SLC13A5: variants seen among roughly 807,000 people sequenced by gnomAD.
SLC13A5 encodes the protein Na(+)/citrate cotransporter.
In SLC13A5, 25 loss-of-function variants were observed where a neutral mutation model predicts 56.5. The ratio of observed to expected loss-of-function variants is 0.44; its 90% CI spans 0.32 to 0.62. SLC13A5 has a LOEUF of 0.62. Ranked by LOEUF, SLC13A5 falls within the 20% of genes least tolerant of loss-of-function variation. The probability of loss-of-function intolerance (pLI) is 0.04; values close to 1 mark genes in which losing one functional copy is unlikely to be tolerated. For missense variants in SLC13A5, 649 were observed against 737.8 expected (o/e 0.88, Z 1.39); for synonymous variants, 307 against 301.5 (o/e 1.02, Z -0.19).
rs1465359122 is a variant in SLC13A5 at position 6,701,217 on chromosome 17, G to C, written c.717-91C>G. 6.5e-7 allele frequency: 1 copy of C among 1,548,956 alleles called. No individual in the cohort carries two copies. Among genetic ancestry groups the C allele is most frequent in the East Asian group, 2.4e-5 (1 of 42,322 alleles). ...GGGGACGGAGCAGCAGCTGGGCCCT[G>C]AGAGGCGCGCCTGTGTGGAGGCCAC... On this transcript the variant is annotated intron_variant, in intron 5 of 11. Transcript: ENST00000433363. This position sits in a 1 kb window ranked among gnomAD's most constrained non-coding sequence, Gnocchi z 4.1.
intron 1 of SLC13A5, among the ~76,000 whole-genome samples, chr17:6,708,702 T>A (rs906438390): frequency 6.6e-6 from 1 of 152,188 alleles, no homozygotes; most frequent in Admixed American, 6.5e-5. Flanking sequence ...CAGGTCAGGG[T>A]CTTGGGTGAC....
At chr17:6,691,762 C>G (rs561396225) in intron 9 of SLC13A5, among the ~76,000 whole-genome samples, 1 of 152,290 alleles carries the variant, frequency 6.6e-6, no homozygotes, top group Non-Finnish European at 1.5e-5. Context: ...AGCCCAGGCC[C>G]CCACTCCAGA....
At chr17:6,700,749 T>C (rs1973690012) in intron 6 of SLC13A5, among the ~76,000 whole-genome samples, 1 of 152,110 alleles carries the variant, frequency 6.6e-6, no homozygotes, top group Non-Finnish European at 1.5e-5. Flanking sequence ...AAGCAGCATT[T>C]GAACTAGCCT....
intron 8 of SLC13A5, among the ~76,000 whole-genome samples, 196 bp downstream of exon 8, chr17:6,693,901 G>C (rs1973484738): frequency 1.3e-5 from 2 of 152,192 alleles, no homozygotes; most frequent in African/African-American, 4.8e-5. Flanking sequence ...AAATTCAAAT[G>C]TTAAAAAGCA....
intron 1 of SLC13A5, among the ~76,000 whole-genome samples, chr17:6,708,670 A>T (rs1973934726): frequency 6.6e-6 from 1 of 152,232 alleles, no homozygotes; most frequent in Non-Finnish European, 1.5e-5. Context: ...AACAAGTTAG[A>T]TAATTATTTA....
rs538870191 is a variant in SLC13A5, at chr17:6,685,843, C to T, written c.*364G>A. The T allele has an allele frequency of 9.3e-5, 25 of 269,082 alleles. No individual in the cohort carries two copies. Among genetic ancestry groups the T allele is most frequent in the South Asian group, 2.6e-4 (5 of 19,542 alleles). The allele number at this position is 269,082 out of a possible 1,614,324, so 16.7% of individuals were successfully genotyped here. On this transcript the variant is annotated 3_prime_UTR_variant, in exon 12 of 12. Coordinates refer to ENST00000433363, the MANE Select transcript of SLC13A5 (RefSeq NM_177550.5). The surrounding 1 kb of genome is among the most constrained non-coding windows in gnomAD (Gnocchi z 4.2). ...CGATTCCCATTTAAACTATCTAGGACGAAGCGAGTGAAAACCAGAGCCCTG... is the reference window on the plus strand; with the variant it reads ...CGATTCCCATTTAAACTATCTAGGATGAAGCGAGTGAAAACCAGAGCCCTG...
Position 6,713,152 on chromosome 17 carries a change from C to T in SLC13A5, c.102+80G>A. The T allele has an allele frequency of 6.9e-7, 1 of 1,442,854 alleles. No individual in the cohort carries two copies. Among genetic ancestry groups the T allele is most frequent in the Non-Finnish European group, 9.6e-7 (1 of 1,044,902 alleles). The allele number at this position is 1,442,854 out of a possible 1,614,324, so 89.4% of individuals were successfully genotyped here. A position where few individuals can be genotyped will look rare whatever the true frequency, so the allele number is the denominator to read the frequency against. ...TCCCCGCGAAATCCGTGCGCTCCAG[C>T]TCAGGGCTCCCGGGATCGGTGCCCG... is the stretch of plus-strand genomic sequence containing the variant. On this transcript the variant is annotated intron_variant, in intron 1 of 11. Transcript: ENST00000433363. The surrounding 1 kb of genome is among the most constrained non-coding windows in gnomAD (Gnocchi z 7.3).
rs1246383697 is a variant in SLC13A5, at chr17:6,701,327, A to G, written c.717-201T>C. Among the ~76,000 whole-genome samples, 1 of 152,256 alleles carries G rather than the reference A, an allele frequency of 6.6e-6. No homozygotes were observed. Among genetic ancestry groups the G allele is most frequent in the African/African-American group, 2.4e-5 (1 of 41,472 alleles). On this transcript the variant is annotated intron_variant, in intron 5 of 11. Coordinates refer to ENST00000433363, the MANE Select transcript of SLC13A5 (RefSeq NM_177550.5). The surrounding 1 kb of genome is among the most constrained non-coding windows in gnomAD (Gnocchi z 4.1). ...AGCCTCAGAACATGGCCACAGCACA[A>G]GACAAGGCCGAGAAATGACCCACTG...
At position 6,703,056 on chromosome 17, in the gene SLC13A5, C is replaced by G. The variant is rs574587499; in HGVS notation, c.630G>C (p.Leu210=). ...CGATGCTGGCCGCGTAGCAGATGCA[C>G]AGGGTCATGGCCTTACACAACCTCT... ...ERKRLCKAMT[L]CICYAASIGG... Residue 210 remains leucine, a synonymous_variant, in exon 5 of 12, where the codon CTG becomes CTC. Coordinates refer to ENST00000433363, the MANE Select transcript of SLC13A5 (RefSeq NM_177550.5). 6.2e-7 allele frequency: 1 copy of G among 1,614,246 alleles called. No individual in the cohort carries two copies. Among genetic ancestry groups the G allele is most frequent in the Admixed American group, 1.7e-5 (1 of 60,034 alleles).
rs1402606071 is a variant in SLC13A5, at chr17:6,701,660, A to G, written c.717-534T>C. On this transcript the variant is annotated intron_variant, in intron 5 of 11. Transcript: ENST00000433363. This position sits in a 1 kb window ranked among gnomAD's most constrained non-coding sequence, Gnocchi z 4.1. ...AGGAGGCAGAGGTTGCAGTGAGCCAACATCGCGCCACTGCACTCCAGCCTG... is the reference window on the plus strand; with the variant it reads ...AGGAGGCAGAGGTTGCAGTGAGCCAGCATCGCGCCACTGCACTCCAGCCTG... 1.3e-5 allele frequency among the ~76,000 whole-genome samples: 2 copies of G among 152,238 alleles called. No individual in the cohort carries two copies. Among genetic ancestry groups the G allele is most frequent in the African/African-American group, 4.8e-5 (2 of 41,466 alleles).
At chr17:6,689,844 T>C (rs1047304932) in intron 10 of SLC13A5, 1 of 152,004 alleles carries the variant, frequency 6.6e-6, no homozygotes, top group Admixed American at 6.6e-5. Flanking sequence ...AATTCCAGAA[T>C]AATGACAGCC....
At chr17:6,709,671 A>G (rs1973966619) in intron 1 of SLC13A5, among the ~76,000 whole-genome samples, 1 of 152,176 alleles carries the variant, frequency 6.6e-6, no homozygotes, top group Non-Finnish European at 1.5e-5. Context: ...CCTGCTTCTC[A>G]TCACCCAGAA....
intron 10 of SLC13A5, among the ~76,000 whole-genome samples, 166 bp downstream of exon 10, chr17:6,690,613 A>G (rs1973379873): frequency 6.6e-6 from 1 of 152,198 alleles, no homozygotes; most frequent in Non-Finnish European, 1.5e-5. Flanking sequence ...TGGAGGCCTC[A>G]GGGGCAGAGG....
intron 6 of SLC13A5, among the ~76,000 whole-genome samples, 186 bp from the exon 7 acceptor site, chr17:6,696,127 G>T (rs1026796913): frequency 2.0e-5 from 3 of 152,198 alleles, no homozygotes; most frequent in African/African-American, 4.8e-5. Flanking sequence ...ATCCCAGAAT[G>T]TACTAGGGAA....
At chr17:6,695,997 G>T in intron 6 of SLC13A5, 56 bp from the exon 7 acceptor site, 1 of 1,503,248 alleles carries the variant, frequency 6.7e-7, no homozygotes, top group Non-Finnish European at 9.2e-7. Flanking sequence ...TCAGGTGCTG[G>T]TCAGATGGAG....
At chr17:6,710,506 C>T (rs1477924049) in intron 1 of SLC13A5, among the ~76,000 whole-genome samples, 1 of 152,016 alleles carries the variant, frequency 6.6e-6, no homozygotes, top group Non-Finnish European at 1.5e-5. Context: ...ACTGTGCGTT[C>T]CTGGAGGAGT....
At chr17:6,694,024 A>G (rs2151485391) in intron 8 of SLC13A5, 73 bp downstream of exon 8, 1 of 967,584 alleles carries the variant, frequency 1.0e-6, no homozygotes, top group Non-Finnish European at 1.6e-6. Context: ...CTAGGGCCCA[A>G]GGCATCCCAT....
Position 6,701,515 on chromosome 17 carries a change from G to C in SLC13A5, c.717-389C>G, listed in dbSNP as rs1031578767. 5.3e-5 allele frequency among the ~76,000 whole-genome samples: 8 copies of C among 152,148 alleles called. No homozygotes were observed. The highest frequency in any genetic ancestry group is 7.4e-5 in the Non-Finnish European group (5 of 68,022). ...GCACAAGGTCAGGAGCTTAAGACTG[G>C]CCTGGCCAACATGGTGAAACCCCGT... On this transcript the variant is annotated intron_variant, in intron 5 of 11. Coordinates refer to ENST00000433363, the MANE Select transcript of SLC13A5 (RefSeq NM_177550.5). The surrounding 1 kb of genome is among the most constrained non-coding windows in gnomAD (Gnocchi z 4.1).
rs774425324 is a variant in SLC13A5 at position 6,685,662 on chromosome 17, G to A, written c.*545C>T. 28 of 156,578 alleles carry A rather than the reference G, an allele frequency of 1.8e-4. No homozygotes were observed. In the South Asian group the frequency reaches 1.9e-3, roughly 11 times the overall value. The allele number at this position is 156,578 out of a possible 1,614,324, so 9.7% of individuals were successfully genotyped here. ...CTTCAGGAGGCTCTGATTCCCACTC[G>A]CACTCCAGCAGTGGGAGGTTGCTCA... On this transcript the variant is annotated 3_prime_UTR_variant, in exon 12 of 12. Transcript: ENST00000433363. The surrounding 1 kb of genome is among the most constrained non-coding windows in gnomAD (Gnocchi z 4.2).
Sources: gnomAD v4.1 joint callset for allele counts (sites outside exome capture counted in the v4.1 genomes callset) on GRCh38, gnomAD v4.1.1 for gene constraint, Gnocchi (gnomAD v3.1) non-coding constraint, MANE v1.5 for transcripts, NCBI Gene and HGNC (gene_info 2026-07-23, HGNC 2026-07-21) for gene names.